The following LAMA5 variants were observed in gnomAD, a reference collection of about 807,000 sequenced individuals.
LAMA5 encodes the protein laminin subunit alpha 5.
A neutral mutation model predicts 433.4 loss-of-function variants in LAMA5; 260 were observed. The ratio of observed to expected loss-of-function variants is 0.60; its 90% CI spans 0.54 to 0.66. The LOEUF is 0.66. LAMA5 is among the 30% of genes least tolerant of loss of function. The pLI is 0.00. For missense variants in LAMA5, 5,378 were observed against 5,258.5 expected, an observed-to-expected ratio of 1.02 and a Z score of -0.70; for synonymous variants, 2,620 against 2,226.6, an observed-to-expected ratio of 1.18 and a Z score of -4.97.
chr20:62,363,978 G>A (rs766609698), intron 1 of LAMA5, among the ~76,000 whole-genome samples: 2 of 152,184 alleles, frequency 1.3e-5, no homozygotes, highest in African/African-American at 2.4e-5. Flanking sequence ...TGTGGCCACT[G>A]CTGTATTTCC....
chr20:62,312,079 G>T lies in LAMA5; in HGVS notation c.9505-29C>A, dbSNP rs574465155. ...GGGACGGCAGCCAGGTCAGCCGGCC[G>T]GCCTGGGGACCCAGACTCATTCCAG... is the stretch of plus-strand genomic sequence containing the variant. On this transcript the variant is annotated intron_variant, in intron 69 of 79. Transcript: ENST00000252999. The T allele has an allele frequency of 2.5e-6, 4 of 1,609,846 alleles. 1 individual carries two copies. The East Asian group carries it at 8.9e-5, about 36-fold the overall frequency.
At chr20:62,332,250 G>A in intron 28 of LAMA5, 122 bp downstream of exon 28, 2 of 691,146 alleles carry the variant, frequency 2.9e-6, no homozygotes, top group Non-Finnish European at 5.2e-6. Context: ...GCTGGGCTGG[G>A]CATGAGCGAG....
At chr20:62,337,037 A>C in intron 16 of LAMA5, 1 of 665,094 alleles carries the variant, frequency 1.5e-6, no homozygotes. Flanking sequence ...ACCCGTGTAC[A>C]TTCCACACGC....
chr20:62,312,747 G>A lies in LAMA5; in HGVS notation c.9112C>T (p.Arg3038Cys), dbSNP rs371420868. 12 of 1,590,204 alleles carry A rather than the reference G, an allele frequency of 7.5e-6. No individual in the cohort carries two copies. The highest frequency in any genetic ancestry group is 2.3e-5 in the East Asian group (1 of 42,962). The stretch of plus-strand genomic sequence containing the variant: ...GCCCGCTCCACACGCACCAGCACAC[G>A]CTTGCGGCTGCCCCCCAGCAGGAAC... The part of the protein sequence containing the change: ...QVFLLGGSRK[R>C]VLVRVERATV... The change falls in exon 67 of 80, where the codon CGT becomes TGT. Residue 3038 changes from arginine (R) to cysteine (C), a missense_variant. Arg to Cys is a radical substitution (Grantham distance 180, BLOSUM62 -3). Transcript: ENST00000252999.
chr20:62,332,783 A>C (rs1311946157), intron 26 of LAMA5, 66 bp from the exon 27 acceptor site: 204 of 1,545,572 alleles, frequency 1.3e-4, no homozygotes, highest in Middle Eastern at 9.1e-4. Flanking sequence ...CTCCCCTCCC[A>C]CTCCAGCGCC....
intron 10 of LAMA5, 44 bp from the exon 11 acceptor site, chr20:62,345,921 C>T (rs1302962680): frequency 1.3e-6 from 2 of 1,555,500 alleles, no homozygotes; most frequent in Non-Finnish European, 1.7e-6. Flanking sequence ...TGCTCAGAAC[C>T]CTAGCACCCT....
At chr20:62,309,555 C>G (rs1985880264) in intron 79 of LAMA5, 80 bp from the exon 80 acceptor site, 1 of 1,147,028 alleles carries the variant, frequency 8.7e-7, no homozygotes, top group Non-Finnish European at 1.2e-6. Context: ...CGTCAGTGCC[C>G]CACCCAGCCC....
rs148960852 is a variant in LAMA5 at position 62,322,896 on chromosome 20, G to A, written c.6065-138C>T. ...GCCCGGACCACCCGGCTACCCACTCGTGTCCCAGCCTGGCCCCACTCCCCA... is the reference window on the plus strand; with the variant it reads ...GCCCGGACCACCCGGCTACCCACTCATGTCCCAGCCTGGCCCCACTCCCCA... On this transcript the variant is annotated intron_variant, in intron 45 of 79. Transcript: ENST00000252999. 3.7e-3 allele frequency: 2,134 copies of A among 583,510 alleles called. 5 individuals are homozygous for A. The highest frequency in any genetic ancestry group is 4.7e-3 in the Non-Finnish European group (1,600 of 343,938). 36.1% of individuals were successfully genotyped at this position (583,510 alleles called of 1,614,324 possible). A position where few individuals can be genotyped will look rare whatever the true frequency, so the allele number is the denominator to read the frequency against.
chr20:62,361,833 C>T (rs769416808), intron 2 of LAMA5, among the ~76,000 whole-genome samples: 1 of 152,246 alleles, frequency 6.6e-6, no homozygotes, highest in Admixed American at 6.5e-5. Flanking sequence ...GGGTTTCACT[C>T]TTCGCTTGGA....
chr20:62,312,825 C>G, intron 66 of LAMA5, 45 bp from the exon 67 acceptor site: 1 of 1,600,104 alleles, frequency 6.2e-7, no homozygotes, highest in Non-Finnish European at 8.5e-7. Context: ...GTCCCTGCGG[C>G]CTGCCCCGCC....
At position 62,346,744 on chromosome 20, in the gene LAMA5, G is replaced by A. The variant is rs201183803; in HGVS notation, c.1129C>T (p.Arg377Cys). The A allele has an allele frequency of 2.2e-5, 35 of 1,613,092 alleles. No individual in the cohort carries two copies. Among genetic ancestry groups the A allele is most frequent in the African/African-American group, 1.5e-4 (11 of 75,042 alleles). The change falls in exon 8 of 80, where the codon CGC becomes TGC. Residue 377 changes from arginine to cysteine, a missense_variant. Arg to Cys is a radical substitution (Grantham distance 180). Transcript: ENST00000252999. ...DCYYDPEVDR[R>C]RASQSLDGTY... ...CCATCCAGGCTCTGGCTGGCGCGGC[G>A]CCGGTCCACCTCAGGGTCGTAGTAA...
chr20:62,317,176 C>CT (rs1987033697), intron 55 of LAMA5, among the ~76,000 whole-genome samples, 153 bp from the exon 56 acceptor site: 1 of 152,250 alleles, frequency 6.6e-6, no homozygotes, highest in African/African-American at 2.4e-5. Context: ...GCTGGGTGTA[C>CT]TGCTCCTGTC....
chr20:62,331,113 A>G lies in LAMA5; in HGVS notation c.3569T>C (p.Val1190Ala), dbSNP rs370269142. 1.0e-4 allele frequency: 160 copies of G among 1,586,834 alleles called. 9 individuals carry two copies. The highest frequency in any genetic ancestry group is 1.5e-5 in the Non-Finnish European group (18 of 1,166,382). The change falls in exon 29 of 80, where the codon GTG (valine) becomes GCG (alanine). Residue 1190 changes from valine (V) to alanine (A), a missense_variant. Transcript: ENST00000252999. ...ARFFLHGVTL[V>A]PIEEFSPEFV... ...CTCCGGGCTGAACTCCTCAATGGGC[A>G]CCAGAGTGACCCCGTGCTGCAGGCA... is the stretch of plus-strand genomic sequence containing the variant.
chr20:62,362,514 G>T lies in LAMA5; in HGVS notation c.336C>A (p.Asn112Lys), dbSNP rs985192340. 6.2e-7 allele frequency: 1 copy of T among 1,601,958 alleles called. No homozygotes were observed. The highest frequency in any genetic ancestry group is 1.3e-5 in the African/African-American group (1 of 74,692). Residue 112 changes from asparagine to lysine, a missense_variant, in exon 2 of 80, where the codon AAC becomes AAA. Coordinates refer to ENST00000252999, the MANE Select transcript of LAMA5 (RefSeq NM_005560.6). The part of the protein sequence containing the change: ...YCDICTAANS[N>K]KAHPASNAID... The stretch of plus-strand genomic sequence containing the variant: ...TGGCATTGCTCGCGGGGTGTGCCTT[G>T]TTGCTGTTGGCAGCCGTGCAGATGT...
At chr20:62,351,524 GCA>G (rs1984284508) in intron 6 of LAMA5, among the ~76,000 whole-genome samples, 178 bp downstream of exon 6, 1 of 149,678 alleles carries the variant, frequency 6.7e-6, no homozygotes, top group African/African-American at 2.5e-5. Flanking sequence ...CCACATCACT[GCA>G]CAGATGAGGA....
chr20:62,365,842 G>C (rs1986661168), intron 1 of LAMA5, among the ~76,000 whole-genome samples: 1 of 152,130 alleles, frequency 6.6e-6, no homozygotes, highest in African/African-American at 2.4e-5. Context: ...CTTAAGGAGA[G>C]AACGGTGAGC....
chr20:62,343,273 T>A (rs540910773), intron 11 of LAMA5, among the ~76,000 whole-genome samples: 52 of 152,096 alleles, frequency 3.4e-4, no homozygotes, highest in Non-Finnish European at 6.0e-4. Flanking sequence ...AAACTAAACA[T>A]TTCCACATAA....
At position 62,312,557 on chromosome 20, in the gene LAMA5, C is replaced by T. The variant is rs750361766; in HGVS notation, c.9228-25G>A. The stretch of plus-strand genomic sequence containing the variant: ...GCTGTGGGGAAGCGGGGATGCGGGT[C>T]AGGGCGCCACCTCCAAGCCCAGCCT... On this transcript the variant is annotated intron_variant, in intron 67 of 79. Transcript: ENST00000252999. 4.4e-6 allele frequency: 7 copies of T among 1,598,902 alleles called. No homozygotes were observed. In the South Asian group the frequency reaches 4.4e-5, roughly 10 times the overall value.
Position 62,334,434 on chromosome 20 carries a change from C to T in LAMA5, c.2582+88G>A, listed in dbSNP as rs115519871. On this transcript the variant is annotated intron_variant, in intron 21 of 79. Coordinates refer to ENST00000252999, the MANE Select transcript of LAMA5 (RefSeq NM_005560.6). ...GGTCTCCAGGGAGGGTGAGGCCTCA[C>T]GTGGGCCCATGGTGAGGGACACGGA... The T allele has an allele frequency of 1.1e-3, 1,610 of 1,514,962 alleles. 14 individuals are homozygous for T. The African/African-American group carries it at 0.019, about 18-fold the overall frequency. The allele number at this position is 1,514,962 out of a possible 1,614,324, so 93.8% of individuals were successfully genotyped here.
Sources: gnomAD v4.1 joint callset for allele counts (sites outside exome capture counted in the v4.1 genomes callset) on GRCh38, gnomAD v4.1.1 for gene constraint, MANE v1.5 for transcripts, NCBI Gene and HGNC (gene_info 2026-07-23, HGNC 2026-07-21) for gene names.